GIGYF2: variants seen among roughly 807,000 people sequenced by gnomAD.
GIGYF2 encodes GRB10 interacting GYF protein 2.
Under a neutral mutation model 208.1 loss-of-function variants are expected in GIGYF2, and 25 were observed. That is an observed-to-expected ratio of 0.12 (90% CI 0.09 to 0.17). The LOEUF (loss-of-function observed/expected upper bound fraction) is 0.17, where lower values mean the gene tolerates loss of function less well. GIGYF2 is among the 10% of genes least tolerant of loss of function. The pLI, the probability that GIGYF2 is intolerant of heterozygous loss-of-function variation, is 1.00. For synonymous variants in GIGYF2, 534 were observed against 543.8 expected, an observed-to-expected ratio of 0.98 and a Z score of 0.25; for missense variants, 1,302 against 1,579.4, an observed-to-expected ratio of 0.82 and a Z score of 2.98.
In GIGYF2 at chr2:232,838,779, C is replaced by T. The variant is rs183967122; in HGVS notation, c.2767-1070C>T. 2.0e-5 allele frequency among the ~76,000 whole-genome samples: 3 copies of T among 152,186 alleles called. No individual in the cohort carries two copies. In the East Asian group the frequency reaches 5.8e-4, roughly 29 times the overall value. On this transcript the variant is annotated intron_variant, in intron 22 of 28. Coordinates refer to ENST00000373563, the MANE Select transcript of GIGYF2 (RefSeq NM_001103146.3). Reference sequence around the variant, plus strand: ...TGCTCAGTTTTGCCTCTCAACACCTCCCTCCCCCAGTCTTTGTTAACTTCC... The same window carrying T: ...TGCTCAGTTTTGCCTCTCAACACCTTCCTCCCCCAGTCTTTGTTAACTTCC...
At chr2:232,788,632 T>A in intron 9 of GIGYF2, 1 of 466,410 alleles carries the variant, frequency 2.1e-6, no homozygotes, top group Non-Finnish European at 4.5e-6. Flanking sequence ...TGAGCCCAAA[T>A]GTCTGATGTT....
chr2:232,857,209 C>T lies in GIGYF2; in HGVS notation c.*349C>T. 2 of 372,858 alleles carry T rather than the reference C, an allele frequency of 5.4e-6. No individual in the cohort carries two copies. The highest frequency in any genetic ancestry group is 1.0e-5 in the Non-Finnish European group (2 of 200,896). 23.1% of individuals were successfully genotyped at this position (372,858 alleles called of 1,614,324 possible). A position where few individuals can be genotyped will look rare whatever the true frequency, so the allele number is the denominator to read the frequency against. ...GGATCGGCCATTAGCAGCTTGCTTT[C>T]TCTTGTCACTTTTTTTCTTCTATTT... On this transcript the variant is annotated 3_prime_UTR_variant, in exon 29 of 29. Transcript: ENST00000373563.
intron 9 of GIGYF2, among the ~76,000 whole-genome samples, chr2:232,790,001 C>G (rs1423426279): frequency 6.6e-6 from 1 of 152,044 alleles, no homozygotes; most frequent in African/African-American, 2.4e-5. Context: ...GTGGAACAAG[C>G]AGCAGAGGGT....
At chr2:232,842,481 T>TA (rs1286126713) in intron 23 of GIGYF2, among the ~76,000 whole-genome samples, 2 of 152,244 alleles carry the variant, frequency 1.3e-5, no homozygotes, top group African/African-American at 4.8e-5. Flanking sequence ...GGATATTACT[T>TA]ACTGATAGCT....
intron 2 of GIGYF2, chr2:232,729,976 C>A (rs1400809028): frequency 1.4e-6 from 1 of 724,884 alleles, no homozygotes; most frequent in Non-Finnish European, 2.5e-6. Flanking sequence ...TTGACCAAAG[C>A]CTTCTTCACT....
At position 232,838,304 on chromosome 2, in the gene GIGYF2, G is replaced by A. The variant is rs147273073; in HGVS notation, c.2767-1545G>A. On this transcript the variant is annotated intron_variant, in intron 22 of 28. Transcript: ENST00000373563. ...TGCATGTGTATATATATATATACAC[G>A]CATATGTATGTGTGTGTATATAGAG... 6.1e-3 allele frequency among the ~76,000 whole-genome samples: 922 copies of A among 151,552 alleles called. 3 individuals are homozygous for A. Among genetic ancestry groups the A allele is most frequent in the African/African-American group, 0.02 (839 of 41,326 alleles).
intron 22 of GIGYF2, among the ~76,000 whole-genome samples, chr2:232,836,296 A>AC (rs1293533593): frequency 1.0e-4 from 2 of 19,572 alleles, no homozygotes; most frequent in Non-Finnish European, 2.1e-4. Flanking sequence ...ATATATATAT[A>AC]TATATATATA....
intron 8 of GIGYF2, among the ~76,000 whole-genome samples, chr2:232,780,760 C>CT (rs1316790905): frequency 6.6e-6 from 1 of 152,100 alleles, no homozygotes; most frequent in East Asian, 1.9e-4. Context: ...GGTTAGTCAA[C>CT]TTTGTCATGG....
intron 14 of GIGYF2, among the ~76,000 whole-genome samples, chr2:232,803,618 A>G (rs1409594503): frequency 4.0e-5 from 6 of 151,204 alleles, no homozygotes; most frequent in African/African-American, 1.5e-4. Flanking sequence ...GTCAAAATTT[A>G]GTTAAGCATA....
chr2:232,713,232 T>C (rs998034546), intron 2 of GIGYF2, among the ~76,000 whole-genome samples: 11 of 152,024 alleles, frequency 7.2e-5, no homozygotes, highest in Non-Finnish European at 1.5e-4. Flanking sequence ...CCCGCCATCA[T>C]GTGCAACTGA....
chr2:232,772,690 G>A (rs540931161), intron 8 of GIGYF2, among the ~76,000 whole-genome samples: 5 of 152,300 alleles, frequency 3.3e-5, no homozygotes, highest in East Asian at 3.9e-4. Context: ...CCTTGAGTGA[G>A]CCTCTCTTGT....
chr2:232,824,090 C>T (rs1701177624), intron 21 of GIGYF2, among the ~76,000 whole-genome samples: 1 of 152,202 alleles, frequency 6.6e-6, no homozygotes, highest in African/African-American at 2.4e-5. Context: ...AGTGCATGTT[C>T]TGACTATTGA....
rs752794734 is a variant in GIGYF2 at position 232,847,437 on chromosome 2, G to A, written c.3550G>A (p.Ala1184Thr). 1.9e-6 allele frequency: 3 copies of A among 1,613,856 alleles called. No individual in the cohort carries two copies. The South Asian group carries it at 3.3e-5, about 18-fold the overall frequency. ...IRAYLGDTSE[A>T]KEFAKQFLER... ...GGCCTATTTAGGAGATACTTCTGAG[G>A]CCAAGGAGTTTGCCAAGCAGTTCCT... The change falls in exon 27 of 29, where the codon GCC (alanine) becomes ACC (threonine). Residue 1184 changes from alanine to threonine, a missense_variant. Physicochemically the swap from Ala to Thr is moderately conservative, Grantham distance 58. Around this residue, in one of 8 missense-constraint regions of GIGYF2, gnomAD observed 701 missense variants for 793.0 expected, o/e 0.88. Transcript: ENST00000373563.
chr2:232,838,020 T>C (rs954516116), intron 22 of GIGYF2, among the ~76,000 whole-genome samples: 20 of 152,166 alleles, frequency 1.3e-4, no homozygotes, highest in African/African-American at 4.6e-4. Context: ...ATTGACACAC[T>C]GCAGTTCTCC....
chr2:232,752,769 T>C lies in GIGYF2; in HGVS notation c.268-3454T>C, dbSNP rs527958866. 2.1e-3 allele frequency among the ~76,000 whole-genome samples: 320 copies of C among 152,274 alleles called. 1 individual carries two copies. The highest frequency in any genetic ancestry group is 7.4e-3 in the African/African-American group (308 of 41,542). On this transcript the variant is annotated intron_variant, in intron 5 of 28. Coordinates refer to ENST00000373563, the MANE Select transcript of GIGYF2 (RefSeq NM_001103146.3). ...GTTAGCCAGGATGGTCTCGATCTCC[T>C]GACCTCGTGATCTGCCTGCCTCGGC...
chr2:232,718,325 C>G (rs1454892192), intron 2 of GIGYF2, among the ~76,000 whole-genome samples: 1 of 152,166 alleles, frequency 6.6e-6, no homozygotes, highest in Non-Finnish European at 1.5e-5. Flanking sequence ...TCTCGAACTC[C>G]TGACCTCACG....
chr2:232,760,451 A>G (rs1041270281), intron 6 of GIGYF2, 29 bp from the exon 7 acceptor site: 1 of 1,408,454 alleles, frequency 7.1e-7, no homozygotes. Flanking sequence ...ACATCTGACT[A>G]TCATTTTTTT....
chr2:232,697,999 C>G (rs1695680691), intron 1 of GIGYF2, among the ~76,000 whole-genome samples: 1 of 152,190 alleles, frequency 6.6e-6, no homozygotes, highest in Admixed American at 6.5e-5. Flanking sequence ...ATGATCGGAA[C>G]CTTGGGACCG....
Position 232,748,997 on chromosome 2 carries a change from A to G in GIGYF2, c.182A>G (p.Asp61Gly). Reference sequence around the variant, plus strand: ...TGTTTGGTCCTACAGATACCTTCAGACCTTCTGGATAAAGAATTTCTGCCT... The same window carrying G: ...TGTTTGGTCCTACAGATACCTTCAGGCCTTCTGGATAAAGAATTTCTGCCT... ...LFLKDNKIPS[D>G]LLDKEFLPIL... The change falls in exon 5 of 29, where the codon GAC becomes GGC. Residue 61 changes from aspartate to glycine, a missense_variant. Around this residue, in one of 8 missense-constraint regions of GIGYF2, gnomAD observed 189 missense variants for 257.7 expected, o/e 0.73. Transcript: ENST00000373563. 6.4e-7 allele frequency: 1 copy of G among 1,559,210 alleles called. No homozygotes were observed. Among genetic ancestry groups the G allele is most frequent in the Admixed American group, 1.7e-5 (1 of 59,942 alleles).
Sources: allele counts gnomAD v4.1 joint callset (sites outside exome capture counted in the v4.1 genomes callset), GRCh38; gene constraint gnomAD v4.1.1; regional missense constraint gnomAD v4.1.1; transcripts MANE v1.5; gene names NCBI Gene and HGNC (gene_info 2026-07-23, HGNC 2026-07-21).